The following SCOC variants were observed in gnomAD, a reference collection of about 807,000 sequenced individuals.
The protein encoded by SCOC is short coiled coil protein.
SCOC carries 7 observed loss-of-function variants against 9.9 expected under a neutral mutation model. The ratio of observed to expected loss-of-function variants is 0.71; its 90% CI spans 0.40 to 1.33. The LOEUF (loss-of-function observed/expected upper bound fraction) is 1.33, where lower values mean the gene tolerates loss of function less well. SCOC is among the 40% of genes most tolerant of loss of function. SCOC has a pLI of 0.01. For synonymous variants in SCOC, 19 were observed against 28.2 expected, an observed-to-expected ratio of 0.67 and a Z score of 1.03; for missense variants, 66 against 89.7, an observed-to-expected ratio of 0.74 and a Z score of 1.07.
intron 2 of SCOC, among the ~76,000 whole-genome samples, chr4:140,364,511 A>G (rs1727703472): frequency 6.6e-6 from 1 of 152,202 alleles, no homozygotes; most frequent in Non-Finnish European, 1.5e-5. Flanking sequence ...AGTAAGGAAG[A>G]GAAGTGAGCA....
At position 140,320,679 on chromosome 4, in the gene SCOC, T is replaced by G. The variant is rs916441323; in HGVS notation, c.-18-22942T>G. On this transcript the variant is annotated intron_variant, in intron 1 of 4. Coordinates refer to the SCOC transcript ENST00000394205. Reference sequence around the variant, plus strand: ...CAAGATGCTGGCTGGAGAAGGGGAATAGCAGCCACTGCCCAAACACCACCC... The same window carrying G: ...CAAGATGCTGGCTGGAGAAGGGGAAGAGCAGCCACTGCCCAAACACCACCC... 3.4e-4 allele frequency among the ~76,000 whole-genome samples: 52 copies of G among 152,240 alleles called. 1 individual carries two copies. Among genetic ancestry groups the G allele is most frequent in the South Asian group, 1.5e-3 (7 of 4,822 alleles).
At chr4:140,306,967 A>G (rs1047799550) in intron 1 of SCOC, among the ~76,000 whole-genome samples, 2 of 152,202 alleles carry the variant, frequency 1.3e-5, no homozygotes, top group Non-Finnish European at 2.9e-5. Context: ...CCTCCCAAAT[A>G]CATATGTTGA....
upstream of SCOC, among the ~76,000 whole-genome samples, chr4:140,340,391 G>A (rs1237114146): frequency 3.3e-5 from 5 of 151,654 alleles, no homozygotes; most frequent in African/African-American, 1.2e-4. Context: ...CATGGCACAT[G>A]TTATATACAT....
rs1728561231 is a variant in SCOC at position 140,381,203 on chromosome 4, G to A, written c.*99G>A. 1.8e-6 allele frequency: 2 copies of A among 1,127,180 alleles called. No homozygotes were observed. The highest frequency in any genetic ancestry group is 3.1e-5 in the Admixed American group (1 of 31,748). 69.8% of individuals were successfully genotyped at this position (1,127,180 alleles called of 1,614,324 possible). A position where few individuals can be genotyped will look rare whatever the true frequency, so the allele number is the denominator to read the frequency against. On this transcript the variant is annotated 3_prime_UTR_variant, in exon 4 of 4. Transcript: ENST00000608372. Reference sequence around the variant, plus strand: ...GTTACAGTACCTTTGTGGCTTCATTGAATATTTATGAAGATAATGTCAGAT... The same window carrying A: ...GTTACAGTACCTTTGTGGCTTCATTAAATATTTATGAAGATAATGTCAGAT...
At position 140,379,103 on chromosome 4, in the gene SCOC, G is replaced by T; in HGVS notation, c.-50-18G>T. On this transcript the variant is annotated intron_variant, in intron 1 of 3. Transcript: ENST00000608372. ...TATTGCTGTATGTGTCTATATTTCTGAATTTTTCTTATTGTAGACCATTCC... is the reference window on the plus strand; with the variant it reads ...TATTGCTGTATGTGTCTATATTTCTTAATTTTTCTTATTGTAGACCATTCC... 1 of 1,521,476 alleles carries T rather than the reference G, an allele frequency of 6.6e-7. No individual in the cohort carries two copies. The highest frequency in any genetic ancestry group is 9.1e-7 in the Non-Finnish European group (1 of 1,096,132). The allele number at this position is 1,521,476 out of a possible 1,614,324, so 94.2% of individuals were successfully genotyped here.
At chr4:140,344,233 C>T (rs1014807411) in intron 2 of SCOC, among the ~76,000 whole-genome samples, 1 of 152,120 alleles carries the variant, frequency 6.6e-6, no homozygotes, top group Non-Finnish European at 1.5e-5. Flanking sequence ...ATGGTTCATT[C>T]AACATCTTGG....
intron 2 of SCOC, among the ~76,000 whole-genome samples, chr4:140,349,540 C>A (rs1726887083): frequency 6.6e-6 from 1 of 152,132 alleles, no homozygotes. Context: ...CTAGATATCT[C>A]CCAGGTGTCA....
intron 1 of SCOC, among the ~76,000 whole-genome samples, chr4:140,282,055 A>T (rs938293724): frequency 2.6e-4 from 39 of 152,336 alleles, no homozygotes; most frequent in African/African-American, 8.9e-4. Flanking sequence ...GGGCATTCCC[A>T]TGGCCTTTGG....
rs1432348236 is a variant in SCOC at position 140,373,665 on chromosome 4, C to T, written c.-103C>T. The T allele has an allele frequency of 6.4e-7, 1 of 1,551,162 alleles. No individual in the cohort carries two copies. The highest frequency in any genetic ancestry group is 1.4e-5 in the African/African-American group (1 of 73,020). ...GCCGGGGTCAGTTGGTCCAAGTGTC[C>T]CGGCCTGAGGTGTCGGCCGGATCCC... On this transcript the variant is annotated 5_prime_UTR_variant, in exon 1 of 4. Coordinates refer to ENST00000608372, the MANE Select transcript of SCOC (RefSeq NM_001153484.2).
chr4:140,319,552 T>G (rs1732436855), intron 1 of SCOC, among the ~76,000 whole-genome samples: 1 of 152,156 alleles, frequency 6.6e-6, no homozygotes. Context: ...TTTTTCTCAT[T>G]TTTATACCAT....
chr4:140,360,570 A>G (rs1727421742), intron 2 of SCOC: 1 of 152,224 alleles, frequency 6.6e-6, no homozygotes, highest in African/African-American at 2.4e-5. Context: ...ATAACTTGAT[A>G]GGAAGTAATA....
rs774864094 is a variant in SCOC, at chr4:140,373,662, G to A, written c.-106G>A. The A allele has an allele frequency of 3.2e-6, 5 of 1,551,348 alleles. No homozygotes were observed. In the South Asian group the frequency reaches 5.9e-5, roughly 18 times the overall value. On this transcript the variant is annotated 5_prime_UTR_variant, in exon 1 of 4. Transcript: ENST00000608372. ...GCTGCCGGGGTCAGTTGGTCCAAGT[G>A]TCCCGGCCTGAGGTGTCGGCCGGAT...
upstream of SCOC, chr4:140,369,359 T>C (rs746581424): frequency 2.2e-5 from 8 of 371,136 alleles, 1 homozygote; most frequent in South Asian, 1.2e-4. Flanking sequence ...ACCTTTCAAG[T>C]GAAAAAAATG....
At chr4:140,340,505 T>C (rs1039375838), upstream of SCOC, among the ~76,000 whole-genome samples, 1 of 151,968 alleles carries the variant, frequency 6.6e-6, no homozygotes, top group Non-Finnish European at 1.5e-5. Context: ...ATACAAATTT[T>C]CTTCAACAAA....
chr4:140,282,274 A>G (rs563810335), intron 1 of SCOC, among the ~76,000 whole-genome samples: 1 of 152,308 alleles, frequency 6.6e-6, no homozygotes, highest in South Asian at 2.1e-4. Flanking sequence ...CAACTTGGCT[A>G]ACAAAGACAA....
intron 1 of SCOC, among the ~76,000 whole-genome samples, chr4:140,269,073 G>A (rs976146334): frequency 2.6e-5 from 4 of 152,114 alleles, no homozygotes; most frequent in African/African-American, 4.8e-5. Flanking sequence ...AGTTCAGAAC[G>A]GAGAATAGCA....
chr4:140,296,925 A>G (rs1416690714), intron 1 of SCOC, among the ~76,000 whole-genome samples: 6 of 151,946 alleles, frequency 3.9e-5, no homozygotes. Flanking sequence ...ATTCGCTTTT[A>G]TTTACCTATT....
At position 140,384,808 on chromosome 4, in the gene SCOC, T is replaced by C. The variant is rs145626019; in HGVS notation, c.*3704T>C. ...ATGGACTGAATGTGTCCTCCCAAAA[T>C]TCTTAGGTTGAAATCCTAACCCCAA... On this transcript the variant is annotated 3_prime_UTR_variant, in exon 4 of 4. Coordinates refer to ENST00000608372, the MANE Select transcript of SCOC (RefSeq NM_001153484.2). The C allele has an allele frequency of 6.6e-6, 1 of 152,316 alleles. No homozygotes were observed. The highest frequency in any genetic ancestry group is 1.5e-5 in the Non-Finnish European group (1 of 68,028). 9.4% of individuals were successfully genotyped at this position (152,316 alleles called of 1,614,324 possible).
intron 1 of SCOC, among the ~76,000 whole-genome samples, chr4:140,374,554 G>C (rs1218771312): frequency 1.3e-5 from 2 of 152,110 alleles, no homozygotes; most frequent in Non-Finnish European, 2.9e-5. Flanking sequence ...TTTGAAACTG[G>C]ATTTATTTAA....
Sources: allele counts gnomAD v4.1 joint callset (sites outside exome capture counted in the v4.1 genomes callset), GRCh38; gene constraint gnomAD v4.1.1; transcripts MANE v1.5; gene names NCBI Gene and HGNC (gene_info 2026-07-23, HGNC 2026-07-21).